The following NAV3 variants were observed in gnomAD, a reference collection of about 807,000 sequenced individuals.
NAV3 encodes pore membrane and/or filament interacting like protein 1.
In NAV3, 87 loss-of-function variants were observed where a neutral mutation model predicts 244.7. That is an observed-to-expected ratio of 0.36 (90% CI 0.30 to 0.42). The LOEUF is 0.42. Among genes scored for constraint, NAV3 ranks in the 20% least tolerant of loss-of-function variants. NAV3 has a pLI of 1.00. For missense variants in NAV3, 2,663 were observed against 2,893.3 expected (o/e 0.92, Z 1.83); for synonymous variants, 1,126 against 1,042.2 (o/e 1.08, Z -1.55).
At chr12:77,758,409 A>T (rs1171704777) in intron 2 of NAV3, among the ~76,000 whole-genome samples, 1 of 152,196 alleles carries the variant, frequency 6.6e-6, no homozygotes, top group Admixed American at 6.5e-5. Flanking sequence ...AATAAATGAT[A>T]AGTAAATACA....
intron 13 of NAV3, among the ~76,000 whole-genome samples, chr12:78,117,353 T>TATAATAATAG (rs1955461063): frequency 6.9e-6 from 1 of 144,028 alleles, no homozygotes; most frequent in Admixed American, 7.1e-5. Flanking sequence ...TATAAAAATA[T>TATAATAATAG]ATAACATATA....
At chr12:78,145,349 C>A (rs1416223565) in intron 20 of NAV3, among the ~76,000 whole-genome samples, 1 of 152,052 alleles carries the variant, frequency 6.6e-6, no homozygotes, top group African/African-American at 2.4e-5. Flanking sequence ...AAAATATATC[C>A]TGATGGTTAG....
At chr12:77,946,541 G>C (rs995200515) in intron 3 of NAV3, among the ~76,000 whole-genome samples, 3 of 152,012 alleles carry the variant, frequency 2.0e-5, no homozygotes, top group African/African-American at 7.2e-5. Flanking sequence ...TAGTTTGTTG[G>C]AGCTTAGTCA....
chr12:77,658,556 G>A (rs1873248567), intron 2 of NAV3, among the ~76,000 whole-genome samples: 1 of 151,728 alleles, frequency 6.6e-6, no homozygotes, highest in Non-Finnish European at 1.5e-5. Context: ...TAGATTCAAT[G>A]CCATCCCCAT....
intron 12 of NAV3, among the ~76,000 whole-genome samples, chr12:78,075,091 T>C (rs1264209673): frequency 2.0e-5 from 3 of 152,240 alleles, no homozygotes; most frequent in Admixed American, 1.3e-4. Flanking sequence ...TGAGTCTACC[T>C]GATCAGGACT....
intron 3 of NAV3, among the ~76,000 whole-genome samples, chr12:77,942,484 GA>G (rs958855922): frequency 6.6e-6 from 1 of 151,994 alleles, no homozygotes; most frequent in Non-Finnish European, 1.5e-5. Flanking sequence ...ATATGGTTGT[GA>G]AAAAAATCAC....
intron 1 of NAV3, among the ~76,000 whole-genome samples, chr12:77,852,392 G>T (rs983684036): frequency 1.3e-5 from 2 of 151,922 alleles, no homozygotes; most frequent in Non-Finnish European, 2.9e-5. Flanking sequence ...AAACTTAACC[G>T]AGCGTAGTGG....
intron 18 of NAV3, among the ~76,000 whole-genome samples, chr12:78,135,104 T>C (rs1191464771): frequency 1.3e-5 from 2 of 152,220 alleles, no homozygotes; most frequent in Non-Finnish European, 2.9e-5. Flanking sequence ...CACTAGAAGC[T>C]CTTTACCAAT....
chr12:78,007,514 G>A (rs2136606711), intron 8 of NAV3, 69 bp downstream of exon 8: 5 of 1,481,114 alleles, frequency 3.4e-6, no homozygotes, highest in Non-Finnish European at 9.1e-7. Context: ...AGTGTAATAG[G>A]GAAGGCTGAT....
chr12:77,940,331 T>C lies in NAV3; in HGVS notation c.256T>C (p.Trp86Arg). The C allele has an allele frequency of 6.2e-7, 1 of 1,613,602 alleles. No homozygotes were observed. Among genetic ancestry groups the C allele is most frequent in the Non-Finnish European group, 8.5e-7 (1 of 1,179,672 alleles). Residue 86 changes from tryptophan (W) to arginine (R), a missense_variant, in exon 2 of 40, where the codon TGG becomes CGG. Transcript: ENST00000397909. Reference protein sequence around the residue: ...EKEDSKIYTDWANHYLAKSGH... With the variant: ...EKEDSKIYTDRANHYLAKSGH... ...CTCTGTTCAACAGATTTACACTGAC[T>C]GGGCCAACCACTACCTAGCAAAATC...
Position 77,889,636 on chromosome 12 carries a change from A to C in NAV3, c.244-50683A>C, listed in dbSNP as rs1341996541. 2.6e-5 allele frequency among the ~76,000 whole-genome samples: 4 copies of C among 152,342 alleles called. No individual in the cohort carries two copies. In the East Asian group the frequency reaches 5.8e-4, roughly 22 times the overall value. Reference sequence around the variant, plus strand: ...AGTTGTTATGTTGAACATAAAATAAAGTACTTTATCATTCATATTCATGAC... The same window carrying C: ...AGTTGTTATGTTGAACATAAAATAACGTACTTTATCATTCATATTCATGAC... On this transcript the variant is annotated intron_variant, in intron 1 of 39. Transcript: ENST00000397909.
intron 2 of NAV3, among the ~76,000 whole-genome samples, chr12:77,777,953 G>T (rs537792381): frequency 1.3e-5 from 2 of 151,760 alleles, no homozygotes; most frequent in African/African-American, 4.8e-5. Context: ...CTACAGGTAC[G>T]CACCACAATA....
At chr12:78,137,492 A>G in intron 19 of NAV3, 127 bp downstream of exon 19, 1 of 958,734 alleles carries the variant, frequency 1.0e-6, no homozygotes, top group Admixed American at 3.2e-5. Context: ...CATTTGGGAA[A>G]CTAGAAGCTT....
intron 2 of NAV3, among the ~76,000 whole-genome samples, chr12:77,697,442 G>T (rs547767415): frequency 6.6e-6 from 1 of 152,278 alleles, no homozygotes; most frequent in East Asian, 1.9e-4. Context: ...TAAGCAAGTT[G>T]CTTAATCTCT....
chr12:78,171,519 G>T (rs1593890541), intron 24 of NAV3, among the ~76,000 whole-genome samples: 1 of 151,508 alleles, frequency 6.6e-6, no homozygotes, highest in African/African-American at 2.4e-5. Context: ...AAAATAATTT[G>T]CTAGGTTTTA....
chr12:77,873,750 AT>A (rs1881402940), intron 1 of NAV3, among the ~76,000 whole-genome samples: 2 of 94,486 alleles, frequency 2.1e-5, no homozygotes, highest in African/African-American at 3.7e-5. Context: ...GTGTGTATAT[AT>A]ATATATATAT....
intron 2 of NAV3, among the ~76,000 whole-genome samples, chr12:77,573,664 C>T (rs1315006477): frequency 6.6e-6 from 1 of 152,120 alleles, no homozygotes; most frequent in Non-Finnish European, 1.5e-5. Context: ...GCCATTTAAT[C>T]ATCTTTTCCT....
At chr12:78,152,677 T>G (rs1957121279) in intron 22 of NAV3, among the ~76,000 whole-genome samples, 1 of 152,036 alleles carries the variant, frequency 6.6e-6, no homozygotes, top group African/African-American at 2.4e-5. Flanking sequence ...TATCTGTTAA[T>G]GTATGTAATA....
chr12:77,942,486 A>G (rs1482338681), intron 3 of NAV3, among the ~76,000 whole-genome samples: 1 of 152,152 alleles, frequency 6.6e-6, no homozygotes, highest in Admixed American at 6.5e-5. Flanking sequence ...ATGGTTGTGA[A>G]AAAAATCACT....
Sources: allele counts gnomAD v4.1 joint callset (sites outside exome capture counted in the v4.1 genomes callset), GRCh38; gene constraint gnomAD v4.1.1; transcripts MANE v1.5; gene names NCBI Gene and HGNC (gene_info 2026-07-23, HGNC 2026-07-21).